The following GSG1L variants were observed in gnomAD, a reference collection of about 807,000 sequenced individuals.
GSG1L encodes the protein GSG1 like.
A neutral mutation model predicts 42.1 loss-of-function variants in GSG1L; 24 were observed. The ratio of observed to expected loss-of-function variants is 0.57; its 90% CI spans 0.41 to 0.80. The LOEUF is 0.80. GSG1L is among the 30% of genes least tolerant of loss of function. The pLI is 0.00. For missense variants in GSG1L, 445 were observed against 472.2 expected, an observed-to-expected ratio of 0.94 and a Z score of 0.53; for synonymous variants, 215 against 203.5, an observed-to-expected ratio of 1.06 and a Z score of -0.48.
At chr16:28,022,459 C>T (rs904896654) in intron 1 of GSG1L, among the ~76,000 whole-genome samples, 1 of 150,712 alleles carries the variant, frequency 6.6e-6, no homozygotes, top group Non-Finnish European at 1.5e-5. Flanking sequence ...ACTACAGGTA[C>T]AAGCCACCAC....
rs556979796 is a variant in GSG1L, at chr16:27,994,079, C to A, written c.350-30876G>T. ...TGCTTGTTAAACTTTTGCGCAACCT[C>A]ATCCTTTGTGTCCATGCTCCTTAAT... On this transcript the variant is annotated intron_variant, in intron 1 of 6. Transcript: ENST00000447459. Among the ~76,000 whole-genome samples the A allele has an allele frequency of 3.1e-3, 471 of 152,186 alleles. 3 individuals are homozygous for A. Among genetic ancestry groups the A allele is most frequent in the African/African-American group, 0.011 (461 of 41,532 alleles).
intron 5 of GSG1L, among the ~76,000 whole-genome samples, chr16:27,813,263 G>A (rs1174157929): frequency 7.4e-6 from 1 of 134,498 alleles, no homozygotes; most frequent in African/African-American, 2.6e-5. Flanking sequence ...CTTCAAGTAG[G>A]TCCTGGTGTC....
chr16:28,035,236 G>A (rs777523146), intron 1 of GSG1L, among the ~76,000 whole-genome samples: 11 of 151,720 alleles, frequency 7.3e-5, no homozygotes, highest in Non-Finnish European at 1.6e-4. Flanking sequence ...TGTTGCTCAG[G>A]CTGGTCTCAA....
intron 5 of GSG1L, among the ~76,000 whole-genome samples, chr16:27,808,234 T>G (rs957253218): frequency 6.6e-6 from 1 of 152,142 alleles, no homozygotes; most frequent in African/African-American, 2.4e-5. Context: ...TACAAGTGTG[T>G]GTTACCACAT....
At chr16:27,898,698 GTC>G (rs1210953195) in intron 2 of GSG1L, among the ~76,000 whole-genome samples, 5 of 139,278 alleles carry the variant, frequency 3.6e-5, no homozygotes, top group Non-Finnish European at 4.8e-5. Flanking sequence ...CTCTCTCTCT[GTC>G]TCTCTCTCTC....
intron 1 of GSG1L, 64 bp from the exon 2 acceptor site, chr16:27,963,267 G>A (rs1347438897): frequency 7.1e-7 from 1 of 1,408,152 alleles, no homozygotes; most frequent in South Asian, 1.2e-5. Flanking sequence ...AGGTTTGCCT[G>A]CTCCCATCCC....
At chr16:27,916,595 C>T (rs907091585) in intron 2 of GSG1L, among the ~76,000 whole-genome samples, 9 of 150,946 alleles carry the variant, frequency 6.0e-5, no homozygotes, top group Non-Finnish European at 1.2e-4. Context: ...AGTGCTGGGA[C>T]GGCAGGCATG....
rs537114752 is a variant in GSG1L at position 27,810,410 on chromosome 16, C to T, written c.831-2856G>A. Among the ~76,000 whole-genome samples, 9 of 152,290 alleles carry T rather than the reference C, an allele frequency of 5.9e-5. No individual in the cohort carries two copies. In the South Asian group the frequency reaches 8.3e-4, roughly 14 times the overall value. ...ACTTGAGCCCAGGAGACAGAGGCTACGGTGAGCCATGATCTCATCACTGTG... is the reference window on the plus strand; with the variant it reads ...ACTTGAGCCCAGGAGACAGAGGCTATGGTGAGCCATGATCTCATCACTGTG... On this transcript the variant is annotated intron_variant, in intron 5 of 6. Coordinates refer to ENST00000447459, the MANE Select transcript of GSG1L (RefSeq NM_001109763.2).
At chr16:27,869,516 C>A (rs1489769904) in intron 3 of GSG1L, among the ~76,000 whole-genome samples, 1 of 133,522 alleles carries the variant, frequency 7.5e-6, no homozygotes, top group African/African-American at 2.9e-5. Context: ...TCTCTGTCTC[C>A]ATCCATCTCT....
At chr16:27,796,717 C>A (rs1432022320) in intron 6 of GSG1L, among the ~76,000 whole-genome samples, 1 of 152,236 alleles carries the variant, frequency 6.6e-6, no homozygotes, top group Non-Finnish European at 1.5e-5. Flanking sequence ...TATCTCTCCA[C>A]TGGGGTCATC....
At chr16:27,792,477 T>C (rs1486197091) in intron 6 of GSG1L, among the ~76,000 whole-genome samples, 1 of 152,186 alleles carries the variant, frequency 6.6e-6, no homozygotes, top group East Asian at 1.9e-4. Context: ...ACCCCTCAAG[T>C]GTCTCTTCAA....
At position 27,844,957 on chromosome 16, in the gene GSG1L, A is replaced by G. The variant is rs1368153606; in HGVS notation, c.655T>C (p.Ser219Pro). The G allele has an allele frequency of 6.2e-7, 1 of 1,605,218 alleles. No homozygotes were observed. Among genetic ancestry groups the G allele is most frequent in the East Asian group, 2.2e-5 (1 of 44,664 alleles). ...WRPHSWDYGW[S>P]FCLAWGSFTC... Reference sequence around the variant, plus strand: ...TCCTGAAGGTCCACTTACCAGAAGGACCACCCGTAGTCCCAGGAATGGGGT... The same window carrying G: ...TCCTGAAGGTCCACTTACCAGAAGGGCCACCCGTAGTCCCAGGAATGGGGT... The change falls in exon 4 of 7, where the codon TCC becomes CCC. Residue 219 changes from serine to proline, a missense_variant. Coordinates refer to ENST00000447459, the MANE Select transcript of GSG1L (RefSeq NM_001109763.2).
chr16:28,033,410 G>A (rs752933788), intron 1 of GSG1L, among the ~76,000 whole-genome samples: 3 of 152,184 alleles, frequency 2.0e-5, no homozygotes, highest in Non-Finnish European at 4.4e-5. Context: ...CCCCTGGGAG[G>A]GAAGTGGGTG....
intron 5 of GSG1L, among the ~76,000 whole-genome samples, chr16:27,813,784 G>C (rs1028215440): frequency 6.6e-6 from 1 of 152,232 alleles, no homozygotes; most frequent in Non-Finnish European, 1.5e-5. Context: ...CAGGAAACAC[G>C]GAGGGGACAA....
chr16:27,958,060 T>TTGAAGGTCACATTTCA (rs1242088551), intron 2 of GSG1L, among the ~76,000 whole-genome samples: 6 of 152,060 alleles, frequency 3.9e-5, no homozygotes, highest in Admixed American at 1.3e-4. Flanking sequence ...ACCTCCAGCA[T>TTGAAGGTCACATTTCA]TGAAGGTCAC....
rs114160115 is a variant in GSG1L, at chr16:28,045,196, C to G, written c.349+17880G>C. Among the ~76,000 whole-genome samples, 836 of 152,214 alleles carry G rather than the reference C, an allele frequency of 5.5e-3. 8 individuals are homozygous for G. Among genetic ancestry groups the G allele is most frequent in the African/African-American group, 0.019 (774 of 41,510 alleles). On this transcript the variant is annotated intron_variant, in intron 1 of 6. Transcript: ENST00000447459. ...AGAAAGTGCAACGCTATGAGTGAAC[C>G]CTAATGTAAACCGTGGACTTTGGGT... is the stretch of plus-strand genomic sequence containing the variant.
At chr16:28,019,957 T>C (rs2085821271) in intron 1 of GSG1L, among the ~76,000 whole-genome samples, 1 of 152,200 alleles carries the variant, frequency 6.6e-6, no homozygotes, top group South Asian at 2.1e-4. Context: ...CCTTGGCCAC[T>C]TCCCAAACTT....
At chr16:28,030,378 G>T (rs1050238639) in intron 1 of GSG1L, among the ~76,000 whole-genome samples, 1 of 152,154 alleles carries the variant, frequency 6.6e-6, no homozygotes, top group Non-Finnish European at 1.5e-5. Context: ...GCCAAACTGG[G>T]TGGATATAAA....
At chr16:27,913,456 T>C (rs569148631) in intron 2 of GSG1L, among the ~76,000 whole-genome samples, 46 of 152,220 alleles carry the variant, frequency 3.0e-4, no homozygotes, top group Non-Finnish European at 6.0e-4. Context: ...CTTATTTTCA[T>C]AAATATTCAT....
Sources: gnomAD v4.1 joint callset for allele counts (sites outside exome capture counted in the v4.1 genomes callset) on GRCh38, gnomAD v4.1.1 for gene constraint, MANE v1.5 for transcripts, NCBI Gene and HGNC (gene_info 2026-07-23, HGNC 2026-07-21) for gene names.